The following CHD1L variants were observed in gnomAD, a reference collection of about 807,000 sequenced individuals.
CHD1L encodes ATP-dependent chromatin remodeler CHD1L.
In CHD1L, 118 loss-of-function variants were observed where a neutral mutation model predicts 115.9. The ratio of observed to expected loss-of-function variants is 1.02; its 90% CI spans 0.88 to 1.19. CHD1L has a LOEUF of 1.19. Ranked by LOEUF, CHD1L falls within the 50% of genes most tolerant of loss-of-function variation. The pLI is 0.00. For missense variants in CHD1L, 1,179 were observed against 1,065.3 expected (o/e 1.11, Z -1.49); for synonymous variants, 411 against 387.1 (o/e 1.06, Z -0.72).
chr1:147,266,178 C>A, intron 8 of CHD1L, 91 bp downstream of exon 8: 2 of 1,220,454 alleles, frequency 1.6e-6, no homozygotes, highest in South Asian at 1.6e-5. Flanking sequence ...TTTGTATGAT[C>A]CCAAGAATAT....
chr1:147,276,276 T>C lies in CHD1L; in HGVS notation c.1539+19T>C, dbSNP rs782074566. 1 of 1,613,580 alleles carries C rather than the reference T, an allele frequency of 6.2e-7. No homozygotes were observed. Among genetic ancestry groups the C allele is most frequent in the Non-Finnish European group, 8.5e-7 (1 of 1,179,676 alleles). The stretch of plus-strand genomic sequence containing the variant: ...CCTCCAGGTATGATATGATATACTG[T>C]TCTTCACTTTGGAATATACCAATAC... On this transcript the variant is annotated intron_variant, in intron 14 of 22. Transcript: ENST00000369258.
At chr1:147,238,062 C>T (rs769173092), upstream of CHD1L, among the ~76,000 whole-genome samples, 4 of 152,170 alleles carry the variant, frequency 2.6e-5, no homozygotes, top group Non-Finnish European at 2.9e-5. Flanking sequence ...TATATTTTCC[C>T]TGGCTTTCTG....
chr1:147,187,032 G>A, the CHD1L span: 3 of 1,614,116 alleles, frequency 1.9e-6, no homozygotes, highest in Non-Finnish European at 2.5e-6. Flanking sequence ...GATCATCTGT[G>A]GTGAGGATAG....
At chr1:147,178,330 A>G in the CHD1L span, 5 of 1,612,616 alleles carry the variant, frequency 3.1e-6, no homozygotes, top group Admixed American at 6.7e-5. Flanking sequence ...TGCAGCTACC[A>G]GATTAAAAGG....
At chr1:147,231,813 T>C in the CHD1L span, among the ~76,000 whole-genome samples, 6 of 152,280 alleles carry the variant, frequency 3.9e-5, no homozygotes, top group African/African-American at 1.2e-4. Flanking sequence ...GACCCAATTT[T>C]CCAGGTGCTG....
the CHD1L span, among the ~76,000 whole-genome samples, chr1:147,194,397 G>A: frequency 6.6e-6 from 1 of 152,200 alleles, no homozygotes; most frequent in East Asian, 1.9e-4. Context: ...GAGCCTATGT[G>A]TGTCTCTGCA....
the CHD1L span, among the ~76,000 whole-genome samples, chr1:147,196,368 C>T: frequency 1.3e-5 from 2 of 151,994 alleles, no homozygotes; most frequent in African/African-American, 2.4e-5. Flanking sequence ...TCAAAATAAG[C>T]GTTTTGAGAG....
intron 10 of CHD1L, 123 bp downstream of exon 10, chr1:147,269,001 T>G: frequency 1.6e-6 from 1 of 615,574 alleles, no homozygotes; most frequent in South Asian, 2.0e-5. Flanking sequence ...CTGATTCAGG[T>G]TCTGCCTTCT....
chr1:147,282,014 C>T lies in CHD1L; in HGVS notation c.1705+1823C>T, dbSNP rs587707253. Among the ~76,000 whole-genome samples, 13 of 152,302 alleles carry T rather than the reference C, an allele frequency of 8.5e-5. No individual in the cohort carries two copies. The East Asian group carries it at 2.3e-3, about 27-fold the overall frequency. On this transcript the variant is annotated intron_variant, in intron 15 of 22. Coordinates refer to ENST00000369258, the MANE Select transcript of CHD1L (RefSeq NM_004284.6). Reference sequence around the variant, plus strand: ...AATATGTCATCATTAGCTATAGTCACCATGGTACCTCTTTTTCTAAAAAGG... The same window carrying T: ...AATATGTCATCATTAGCTATAGTCATCATGGTACCTCTTTTTCTAAAAAGG...
At chr1:147,199,766 G>C in the CHD1L span, among the ~76,000 whole-genome samples, 2 of 152,148 alleles carry the variant, frequency 1.3e-5, no homozygotes, top group African/African-American at 4.8e-5. Flanking sequence ...TGCTGGATAG[G>C]ACTGGAAGTA....
At chr1:147,192,200 G>C in the CHD1L span, among the ~76,000 whole-genome samples, 1 of 152,014 alleles carries the variant, frequency 6.6e-6, no homozygotes, top group African/African-American at 2.4e-5. Context: ...GCAGTGGTTT[G>C]TATTTCTCCT....
At chr1:147,212,516 C>G in the CHD1L span, 1 of 1,613,144 alleles carries the variant, frequency 6.2e-7, no homozygotes, top group African/African-American at 1.3e-5. Context: ...GGAAGTACTG[C>G]CCTTTGAACT....
At position 147,267,485 on chromosome 1, in the gene CHD1L, C is replaced by T. The variant is rs587754399; in HGVS notation, c.955C>T (p.Arg319Ter). The change falls in exon 9 of 23, where the codon CGA becomes TGA. Residue 319 changes from arginine (R) to a stop codon, truncating the protein, a stop_gained. Transcript: ENST00000369258. LOFTEE classifies it high-confidence loss of function. ...ACTACAGAACATTTTGTCCCAGCTT[C>T]GAAAGTGTGTGGATCACCCATATTT... Reference protein sequence around the residue: ...VKLQNILSQLRKCVDHPYLFD... With the variant: ...VKLQNILSQL The T allele has an allele frequency of 5.0e-6, 8 of 1,612,302 alleles. No individual in the cohort carries two copies. The highest frequency in any genetic ancestry group is 1.7e-5 in the Admixed American group (1 of 59,824).
At chr1:147,190,730 T>C in the CHD1L span, among the ~76,000 whole-genome samples, 1 of 152,084 alleles carries the variant, frequency 6.6e-6, no homozygotes, top group Non-Finnish European at 1.5e-5. Context: ...ATGTGCACAA[T>C]GTGCAGGTTT....
chr1:147,194,927 G>A, the CHD1L span, among the ~76,000 whole-genome samples: 1 of 151,644 alleles, frequency 6.6e-6, no homozygotes, highest in Non-Finnish European at 1.5e-5. Flanking sequence ...CTTTCTCTCT[G>A]GCTGCCCTTA....
the CHD1L span, among the ~76,000 whole-genome samples, chr1:147,233,224 A>G: frequency 6.7e-5 from 10 of 148,622 alleles, 1 homozygote; most frequent in South Asian, 2.1e-3. Flanking sequence ...TCCGCCTGGC[A>G]ACTGCCCCAT....
intron 14 of CHD1L, among the ~76,000 whole-genome samples, chr1:147,279,484 G>A (rs1679954330): frequency 6.6e-6 from 1 of 152,204 alleles, no homozygotes; most frequent in Non-Finnish European, 1.5e-5. Context: ...AGGCCTTCGG[G>A]TCTGGTGGTC....
chr1:147,257,585 G>A (rs1670544506), intron 5 of CHD1L, among the ~76,000 whole-genome samples: 1 of 152,116 alleles, frequency 6.6e-6, no homozygotes, highest in Non-Finnish European at 1.5e-5. Context: ...GGAGGGATGA[G>A]AAGTGTACAG....
the CHD1L span, among the ~76,000 whole-genome samples, chr1:147,196,098 T>C: frequency 6.6e-6 from 1 of 152,174 alleles, no homozygotes; most frequent in African/African-American, 2.4e-5. Context: ...ATTATCAGGC[T>C]AAACAGTACA....
Sources: gnomAD v4.1 joint callset for allele counts (sites outside exome capture counted in the v4.1 genomes callset) on GRCh38, gnomAD v4.1.1 for gene constraint, MANE v1.5 for transcripts, NCBI Gene and HGNC (gene_info 2026-07-23, HGNC 2026-07-21) for gene names.